The following DSCAM variants were observed in gnomAD, a reference collection of about 807,000 sequenced individuals.
DSCAM encodes the protein cell adhesion molecule DSCAM.
A neutral mutation model predicts 217.7 loss-of-function variants in DSCAM; 47 were observed. The observed-to-expected ratio is 0.22, with a 90% CI of 0.17 to 0.28. The LOEUF is 0.28. Among genes scored for constraint, DSCAM ranks in the 10% least tolerant of loss-of-function variants. The probability of loss-of-function intolerance (pLI) is 1.00; values close to 1 mark genes in which losing one functional copy is unlikely to be tolerated. For missense variants in DSCAM, 2,080 were observed against 2,618.3 expected, an observed-to-expected ratio of 0.79 and a Z score of 4.49; for synonymous variants, 1,056 against 1,015.3, an observed-to-expected ratio of 1.04 and a Z score of -0.76.
At chr21:40,412,970 T>G (rs2075337156) in intron 3 of DSCAM, among the ~76,000 whole-genome samples, 2 of 152,204 alleles carry the variant, frequency 1.3e-5, no homozygotes, top group African/African-American at 4.8e-5. Context: ...GGGACCAACA[T>G]AGAGCTCAGG....
Position 40,133,956 on chromosome 21 carries a change from C to G in DSCAM, c.3460G>C (p.Gly1154Arg). ...CTGTAGTTGGTGTACTTTTCCAGCC[C>G]GTCCAGCTCCAGTGAAGGCTGTGTG... is the stretch of plus-strand genomic sequence containing the variant. Reference protein sequence around the residue: ...TTTQPSLELDGLEKYTNYSIQ... With the variant: ...TTTQPSLELDRLEKYTNYSIQ... The change falls in exon 19 of 33, where the codon GGG becomes CGG. Residue 1154 changes from glycine to arginine, a missense_variant. Gly to Arg is a moderately radical substitution (Grantham distance 125, BLOSUM62 -2). Around this residue, in one of 5 missense-constraint regions of DSCAM, gnomAD observed 1,144 missense variants for 1,421.1 expected, o/e 0.81. Coordinates refer to ENST00000400454, the MANE Select transcript of DSCAM (RefSeq NM_001389.5). 6.2e-7 allele frequency: 1 copy of G among 1,613,534 alleles called. No homozygotes were observed. Among genetic ancestry groups the G allele is most frequent in the South Asian group, 1.1e-5 (1 of 91,010 alleles).
chr21:40,307,778 T>C (rs2074095121), intron 9 of DSCAM, among the ~76,000 whole-genome samples: 3 of 152,016 alleles, frequency 2.0e-5, no homozygotes, highest in Admixed American at 6.6e-5. Flanking sequence ...TTCATGTCCT[T>C]TGTAGGGACA....
At chr21:40,187,315 C>A in intron 13 of DSCAM, 56 bp from the exon 14 acceptor site, 1 of 1,601,120 alleles carries the variant, frequency 6.2e-7, no homozygotes, top group East Asian at 2.2e-5. Context: ...TGACATAAAA[C>A]GCTAGTGGAA....
chr21:40,580,042 C>T (rs1430303020), intron 3 of DSCAM, among the ~76,000 whole-genome samples: 1 of 151,784 alleles, frequency 6.6e-6, no homozygotes, highest in African/African-American at 2.4e-5. Context: ...ATAACAGATT[C>T]TAGATCTACC....
chr21:40,582,949 C>T (rs1041279608), intron 3 of DSCAM, among the ~76,000 whole-genome samples: 2 of 151,694 alleles, frequency 1.3e-5, no homozygotes, highest in African/African-American at 2.4e-5. Context: ...AAAAGCAATC[C>T]GATATTTGCA....
At chr21:40,279,689 A>C (rs2073734062) in intron 10 of DSCAM, among the ~76,000 whole-genome samples, 1 of 152,238 alleles carries the variant, frequency 6.6e-6, no homozygotes, top group Non-Finnish European at 1.5e-5. Flanking sequence ...TGTTTACTGC[A>C]GCACTATTCA....
intron 27 of DSCAM, 126 bp downstream of exon 27, chr21:40,074,911 G>A (rs1225951786): frequency 1.1e-5 from 10 of 950,930 alleles, no homozygotes; most frequent in South Asian, 1.8e-5. Context: ...ACCAGGCAGT[G>A]GAGGGACCTG....
intron 1 of DSCAM, among the ~76,000 whole-genome samples, chr21:40,819,723 T>A (rs1288453881): frequency 2.6e-5 from 4 of 152,192 alleles, no homozygotes; most frequent in Non-Finnish European, 5.9e-5. Context: ...TTTGCCATGA[T>A]GGAAACTGTC....
chr21:40,739,841 T>G (rs2091104931), intron 1 of DSCAM, among the ~76,000 whole-genome samples: 1 of 151,548 alleles, frequency 6.6e-6, no homozygotes, highest in Non-Finnish European at 1.5e-5. Context: ...GGCAGTTCAG[T>G]GTCAGTGGCT....
At chr21:40,537,474 T>C (rs1468698679) in intron 3 of DSCAM, among the ~76,000 whole-genome samples, 2 of 152,190 alleles carry the variant, frequency 1.3e-5, no homozygotes, top group African/African-American at 2.4e-5. Flanking sequence ...CTACCTTTTA[T>C]AGGAATTATA....
At chr21:40,665,837 G>A (rs1399997718) in intron 3 of DSCAM, among the ~76,000 whole-genome samples, 1 of 152,206 alleles carries the variant, frequency 6.6e-6, no homozygotes, top group African/African-American at 2.4e-5. Flanking sequence ...CCAGAAGACA[G>A]AAATTGTCCG....
chr21:40,811,339 C>T (rs1213193047), intron 1 of DSCAM, among the ~76,000 whole-genome samples: 1 of 152,210 alleles, frequency 6.6e-6, no homozygotes, highest in Non-Finnish European at 1.5e-5. Context: ...CAAATGATTG[C>T]TTCCTTTTTA....
At chr21:40,834,171 G>T (rs9983933) in intron 1 of DSCAM, among the ~76,000 whole-genome samples, 46,654 of 151,792 alleles carry the variant, frequency 0.31, 7,642 homozygotes, top group Admixed American at 0.42. Flanking sequence ...CAGTTTGGGA[G>T]GCCGAGGCGG....
chr21:40,651,926 T>C (rs756594194), intron 3 of DSCAM, among the ~76,000 whole-genome samples: 5 of 152,204 alleles, frequency 3.3e-5, no homozygotes, highest in Admixed American at 6.5e-5. Context: ...TCCTCCTTAA[T>C]AAGGGACAGG....
At chr21:40,486,443 C>A (rs2076029123) in intron 3 of DSCAM, among the ~76,000 whole-genome samples, 1 of 149,502 alleles carries the variant, frequency 6.7e-6, no homozygotes. Context: ...AAGAGGCAGG[C>A]AGGCAGGCAG....
At chr21:40,516,960 CTG>C (rs1460224836) in intron 3 of DSCAM, among the ~76,000 whole-genome samples, 1 of 147,412 alleles carries the variant, frequency 6.8e-6, no homozygotes, top group Non-Finnish European at 1.5e-5. Flanking sequence ...ACCTTACTCT[CTG>C]TAAATATACA....
At position 40,080,331 on chromosome 21, in the gene DSCAM, A is replaced by G; in HGVS notation, c.4241T>C (p.Leu1414Pro). ...NGGSSIRGYI[L>P]QYSEDNSEQW... ...CTCACTATTGTCCTCGGAGTACTGC[A>G]GTATGTATCCTGCAGAGAATGAGAA... The change falls in exon 25 of 33, where the codon CTG (leucine) becomes CCG (proline). Residue 1414 changes from leucine (L) to proline (P), a missense_variant. This residue lies in a region of DSCAM where 1,144 missense variants were observed against 1,421.1 expected (regional missense o/e 0.81). Coordinates refer to ENST00000400454, the MANE Select transcript of DSCAM (RefSeq NM_001389.5). 1 of 1,609,486 alleles carries G rather than the reference A, an allele frequency of 6.2e-7. No individual in the cohort carries two copies. Among genetic ancestry groups the G allele is most frequent in the Admixed American group, 1.7e-5 (1 of 59,618 alleles).
At chr21:40,391,552 T>G (rs1489341310) in intron 3 of DSCAM, among the ~76,000 whole-genome samples, 1 of 152,226 alleles carries the variant, frequency 6.6e-6, no homozygotes. Flanking sequence ...TTTATCAGTT[T>G]CATACTATGA....
At chr21:40,184,461 C>T (rs368394387) in intron 14 of DSCAM, among the ~76,000 whole-genome samples, 12 of 152,044 alleles carry the variant, frequency 7.9e-5, no homozygotes, top group African/African-American at 2.9e-4. Flanking sequence ...CCCATGCTGC[C>T]CCTTAAAATG....
Sources: allele counts gnomAD v4.1 joint callset (sites outside exome capture counted in the v4.1 genomes callset), GRCh38; gene constraint gnomAD v4.1.1; regional missense constraint gnomAD v4.1.1; transcripts MANE v1.5; gene names NCBI Gene and HGNC (gene_info 2026-07-23, HGNC 2026-07-21).